Variants in LAMA3 observed in about 807,000 individuals in gnomAD.
LAMA3 encodes the protein laminin subunit alpha 3.
In LAMA3, 281 loss-of-function variants were observed where a neutral mutation model predicts 402.0. That is an observed-to-expected ratio of 0.70 (90% CI 0.63 to 0.77). The LOEUF (loss-of-function observed/expected upper bound fraction) is 0.77. Ranked by LOEUF, LAMA3 falls within the 30% of genes least tolerant of loss-of-function variation. The pLI, the probability that LAMA3 is intolerant of heterozygous loss-of-function variation, is 0.00. For synonymous variants in LAMA3, 1,431 were observed against 1,558.4 expected (o/e 0.92, Z 1.93); for missense variants, 3,840 against 4,215.5 (o/e 0.91, Z 2.47).
intron 52 of LAMA3, among the ~76,000 whole-genome samples, chr18:23,906,458 ACT>A (rs943087078): frequency 6.6e-6 from 1 of 152,022 alleles, no homozygotes; most frequent in African/African-American, 2.4e-5. Flanking sequence ...AAATAATTAA[ACT>A]CTCTCAATCT....
At chr18:23,947,947 G>A (rs2082767118) in intron 70 of LAMA3, among the ~76,000 whole-genome samples, 1 of 152,022 alleles carries the variant, frequency 6.6e-6, no homozygotes, top group South Asian at 2.1e-4. Flanking sequence ...AAGTAGCTGG[G>A]ACTACAGGCG....
chr18:23,909,010 A>G (rs1003428919), intron 54 of LAMA3, 143 bp from the exon 55 acceptor site: 1 of 752,908 alleles, frequency 1.3e-6, no homozygotes, highest in Non-Finnish European at 2.3e-6. Flanking sequence ...TAAGGGGGGA[A>G]CTACCGTAAC....
rs1178505514 is a variant in LAMA3, at chr18:23,921,465, T to C, written c.8057T>C (p.Ile2686Thr). ...NGRDHSIQIK[I>T]GKLQKRMWIN... is the part of the protein sequence containing the mutation. ...CATTTATTTCAGATTCAGATCAAAATTGGAAAACTCCAAAAGCGTATGTGG... is the reference window on the plus strand; with the variant it reads ...CATTTATTTCAGATTCAGATCAAAACTGGAAAACTCCAAAAGCGTATGTGG... The change falls in exon 62 of 75, where the codon ATT becomes ACT. Residue 2686 changes from isoleucine (I) to threonine (T), a missense_variant. Ile to Thr is a moderately conservative substitution (Grantham distance 89). This residue lies in a region of LAMA3 where 840 missense variants were observed against 981.9 expected (regional missense o/e 0.86). Coordinates refer to ENST00000313654, the MANE Select transcript of LAMA3 (RefSeq NM_198129.4). 1.2e-6 allele frequency: 2 copies of C among 1,612,562 alleles called. No individual in the cohort carries two copies. Among genetic ancestry groups the C allele is most frequent in the Non-Finnish European group, 1.7e-6 (2 of 1,179,704 alleles).
At chr18:23,806,554 T>C (rs183152834) in intron 12 of LAMA3, among the ~76,000 whole-genome samples, 128 of 151,930 alleles carry the variant, frequency 8.4e-4, no homozygotes, top group African/African-American at 2.9e-3. Context: ...GGTTGGGGGG[T>C]GCAGTTGCTT....
intron 3 of LAMA3, among the ~76,000 whole-genome samples, chr18:23,748,839 T>C (rs2061697589): frequency 1.3e-5 from 2 of 152,024 alleles, no homozygotes; most frequent in South Asian, 4.2e-4. Flanking sequence ...AAGCATGTGT[T>C]CAATAATTTC....
chr18:23,882,819 G>A (rs1414884268), intron 40 of LAMA3, among the ~76,000 whole-genome samples: 1 of 152,134 alleles, frequency 6.6e-6, no homozygotes, highest in Non-Finnish European at 1.5e-5. Flanking sequence ...CCTGGGGCTT[G>A]ACCTAGAGTG....
chr18:23,711,913 C>T (rs906993911), intron 1 of LAMA3, among the ~76,000 whole-genome samples: 1 of 152,090 alleles, frequency 6.6e-6, no homozygotes, highest in African/African-American at 2.4e-5. Flanking sequence ...ATAAGCATTC[C>T]CATTTTGGGG....
intron 12 of LAMA3, among the ~76,000 whole-genome samples, chr18:23,792,397 C>A (rs1029302396): frequency 6.6e-6 from 1 of 152,082 alleles, no homozygotes; most frequent in African/African-American, 2.4e-5. Context: ...AGAGATCACA[C>A]GATGAGACAG....
chr18:23,939,936 G>A (rs1054725638), intron 68 of LAMA3, among the ~76,000 whole-genome samples: 2 of 152,190 alleles, frequency 1.3e-5, no homozygotes, highest in Admixed American at 1.3e-4. Flanking sequence ...TAGATAAAAA[G>A]GTACTGACCT....
intron 34 of LAMA3, among the ~76,000 whole-genome samples, chr18:23,859,960 A>C (rs2064175196): frequency 6.6e-6 from 1 of 152,148 alleles, no homozygotes; most frequent in South Asian, 2.1e-4. Flanking sequence ...TTAGCACACA[A>C]AGAGACACTA....
chr18:23,914,429 G>C lies in LAMA3; in HGVS notation c.7349G>C (p.Gly2450Ala). The change falls in exon 57 of 75, where the codon GGC becomes GCC. Residue 2450 changes from glycine to alanine, a missense_variant. Transcript: ENST00000313654. Reference sequence around the variant, plus strand: ...CTCCAGGCCTCCCGGGACTACATCGGCATGGCAGTTGTGGATGGCCAGCTC... The same window carrying C: ...CTCCAGGCCTCCCGGGACTACATCGCCATGGCAGTTGTGGATGGCCAGCTC... ...GNKDASRDYIGMAVVDGQLTC... is the reference protein window; with the variant it reads ...GNKDASRDYIAMAVVDGQLTC... The C allele has an allele frequency of 6.2e-7, 1 of 1,614,156 alleles. No individual in the cohort carries two copies.
chr18:23,868,412 C>T (rs1455015594), intron 37 of LAMA3, among the ~76,000 whole-genome samples: 1 of 152,100 alleles, frequency 6.6e-6, no homozygotes, highest in Admixed American at 6.6e-5. Context: ...TTAAAAACCC[C>T]ATGAGTCAGC....
chr18:23,938,582 T>C (rs1221009243), intron 67 of LAMA3, among the ~76,000 whole-genome samples: 1 of 152,008 alleles, frequency 6.6e-6, no homozygotes, highest in Non-Finnish European at 1.5e-5. Flanking sequence ...ACCTGCCCTG[T>C]TGCCCAAGTG....
chr18:23,933,936 G>GT lies in LAMA3; in HGVS notation c.8862+2dup, dbSNP rs2082239553. 6.2e-7 allele frequency: 1 copy of GT among 1,613,958 alleles called. No individual in the cohort carries two copies. The highest frequency in any genetic ancestry group is 2.2e-5 in the East Asian group (1 of 44,880). ...GACCAAGACTTTTCGTATCAACCAG[G>GT]TAAGTGTCCAAACCTAACCCTGGGT... On this transcript the variant is annotated splice_donor_variant, in intron 67 of 74. Transcript: ENST00000313654. LOFTEE classifies it high-confidence loss of function.
chr18:23,938,672 C>T (rs1258145), intron 67 of LAMA3, among the ~76,000 whole-genome samples: 105,853 of 150,946 alleles, frequency 0.7, 40,715 homozygotes, highest in Non-Finnish European at 0.88. Flanking sequence ...GTGCCGCTGG[C>T]CAAATGCTGG....
intron 1 of LAMA3, among the ~76,000 whole-genome samples, chr18:23,691,260 A>G (rs1381062859): frequency 5.9e-5 from 9 of 152,132 alleles, no homozygotes; most frequent in Admixed American, 5.9e-4. Context: ...TTACTTATAA[A>G]CTACATGCAT....
intron 11 of LAMA3, among the ~76,000 whole-genome samples, chr18:23,778,795 A>G (rs894300900): frequency 2.6e-5 from 4 of 152,304 alleles, no homozygotes; most frequent in East Asian, 1.9e-4. Context: ...CTGCAGCGCC[A>G]CGGTGTGGGC....
chr18:23,803,609 G>T lies in LAMA3; in HGVS notation c.1604-6757G>T, dbSNP rs1174358973. Among the ~76,000 whole-genome samples the T allele has an allele frequency of 2.0e-5, 3 of 152,168 alleles. No individual in the cohort carries two copies. The South Asian group carries it at 6.2e-4, about 32-fold the overall frequency. On this transcript the variant is annotated intron_variant, in intron 12 of 74. Coordinates refer to ENST00000313654, the MANE Select transcript of LAMA3 (RefSeq NM_198129.4). ...CAAAGTCCCTGGCCATCCAGTCAAA[G>T]AATTGGCCACAGCCCATTAATCAAT...
chr18:23,920,122 T>A (rs1429388690), intron 60 of LAMA3, among the ~76,000 whole-genome samples: 1 of 152,108 alleles, frequency 6.6e-6, no homozygotes, highest in African/African-American at 2.4e-5. Flanking sequence ...CATGGTGATG[T>A]ATGTGTGTGC....
Sources: gnomAD v4.1 joint callset for allele counts (sites outside exome capture counted in the v4.1 genomes callset) on GRCh38, gnomAD v4.1.1 for gene constraint, gnomAD v4.1.1 regional missense constraint, MANE v1.5 for transcripts, NCBI Gene and HGNC (gene_info 2026-07-23, HGNC 2026-07-21) for gene names.